SRCAP: variants seen among roughly 807,000 people sequenced by gnomAD.
The protein encoded by SRCAP is Snf2 related CREBBP activator protein, also known as chromatin remodeling protein SRCAP.
SRCAP carries 46 observed loss-of-function variants against 263.1 expected under a neutral mutation model. The observed-to-expected ratio is 0.17, with a 90% confidence interval of 0.14 to 0.22. The LOEUF is 0.22. Among genes scored for constraint, SRCAP ranks in the 10% least tolerant of loss-of-function variants. SRCAP has a pLI of 1.00. For synonymous variants in SRCAP, 1,813 were observed against 1,662.1 expected (o/e 1.09, Z -2.21); for missense variants, 3,695 against 4,181.9 (o/e 0.88, Z 3.21).
At position 30,721,134 on chromosome 16, in the gene SRCAP, C is replaced by T. The variant is rs2053007377; in HGVS notation, c.3254-55C>T. 2.6e-6 allele frequency: 4 copies of T among 1,547,096 alleles called. No individual in the cohort carries two copies. The East Asian group carries it at 6.8e-5, about 26-fold the overall frequency. ...AAGGGAGTATGGAGGCTTCTGGCAC[C>T]AGGCTAAGGCTTTAGTCAGGGTATA... On this transcript the variant is annotated intron_variant, in intron 20 of 33. Coordinates refer to ENST00000262518, the MANE Select transcript of SRCAP (RefSeq NM_006662.3).
rs149304964 is a variant in SRCAP, at chr16:30,719,777, G to C, written c.2818-385G>C. 3.2e-3 allele frequency among the ~76,000 whole-genome samples: 481 copies of C among 152,258 alleles called. 1 individual carries two copies. Among genetic ancestry groups the C allele is most frequent in the Admixed American group, 8.5e-3 (130 of 15,302 alleles). ...AGTTCCCCAATCTTGGCCTCCCAGA[G>C]AGCTGGGATTACAGGTTTGAGCCAC... On this transcript the variant is annotated intron_variant, in intron 18 of 33. Coordinates refer to ENST00000262518, the MANE Select transcript of SRCAP (RefSeq NM_006662.3).
In SRCAP at chr16:30,723,942, T is replaced by A; in HGVS notation, c.4518T>A (p.Thr1506=). 2 of 1,614,138 alleles carry A rather than the reference T, an allele frequency of 1.2e-6. No homozygotes were observed. The highest frequency in any genetic ancestry group is 1.7e-6 in the Non-Finnish European group (2 of 1,180,022). ...SGASPSASAL[T]LGLATAPSLS... is the part of the protein sequence containing the mutation. ...CTTCCCCGTCAGCATCAGCCTTGAC[T>A]CTAGGTTTGGCCACAGCTCCATCCC... Residue 1506 remains threonine, a synonymous_variant, in exon 25 of 34, where the codon ACT becomes ACA. Transcript: ENST00000262518.
rs1212720862 is a variant in SRCAP at position 30,740,852 on chromosome 16, T to G, written c.*1119T>G. The stretch of plus-strand genomic sequence containing the variant: ...TCTTGGCACACATCATTCTTTGCTC[T>G]CTACTTGTCTCGCCCCTTTCACCTT... On this transcript the variant is annotated 3_prime_UTR_variant, in exon 34 of 34. Transcript: ENST00000262518. 1 of 152,324 alleles carries G rather than the reference T, an allele frequency of 6.6e-6. No homozygotes were observed. The highest frequency in any genetic ancestry group is 1.5e-5 in the Non-Finnish European group (1 of 68,100). 9.4% of individuals were successfully genotyped at this position (152,324 alleles called of 1,614,324 possible). A position where few individuals can be genotyped will look rare whatever the true frequency, so the allele number is the denominator to read the frequency against.
rs752737576 is a variant in SRCAP at position 30,713,328 on chromosome 16, A to G, written c.2251A>G (p.Ile751Val). The G allele has an allele frequency of 1.2e-6, 2 of 1,614,158 alleles. No homozygotes were observed. The highest frequency in any genetic ancestry group is 1.7e-6 in the Non-Finnish European group (2 of 1,180,026). The change falls in exon 15 of 34, where the codon ATC becomes GTC. Residue 751 changes from isoleucine to valine, a missense_variant. By Grantham distance (29) the Ile-to-Val change is conservative. Around this residue, in one of 12 missense-constraint regions of SRCAP, gnomAD observed 121 missense variants for 330.7 expected, o/e 0.37. Coordinates refer to ENST00000262518, the MANE Select transcript of SRCAP (RefSeq NM_006662.3). ...RYLILDEAQN[I>V]KNFKSQRWQS... ...TCTCATTCTGGATGAGGCGCAGAAC[A>G]TCAAGAACTTCAAGTCACAGCGCTG...
In SRCAP at chr16:30,720,835, C is replaced by A. The variant is rs1384888464; in HGVS notation, c.3110C>A (p.Thr1037Asn). The change falls in exon 20 of 34, where the codon ACC (threonine) becomes AAC (asparagine). Residue 1037 changes from threonine to asparagine, a missense_variant. Physicochemically the swap from Thr to Asn is moderately conservative, Grantham distance 65. Around this residue, in one of 12 missense-constraint regions of SRCAP, gnomAD observed 1,347 missense variants for 1,304.4 expected, o/e 1.03. Transcript: ENST00000262518. ...PPGPELSAQP[T>N]PGPVPQVLPA... ...GGTCCTGAGCTCTCAGCCCAGCCCA[C>A]CCCTGGCCCAGTCCCCCAAGTGCTG... is the stretch of plus-strand genomic sequence containing the variant. The A allele has an allele frequency of 1.2e-6, 2 of 1,614,052 alleles. No individual in the cohort carries two copies. Among genetic ancestry groups the A allele is most frequent in the Non-Finnish European group, 1.7e-6 (2 of 1,180,008 alleles).
chr16:30,724,160 C>T lies in SRCAP; in HGVS notation c.4736C>T (p.Ala1579Val). Residue 1579 changes from alanine (A) to valine (V), a missense_variant, in exon 25 of 34, where the codon GCA becomes GTA. Physicochemically the swap from Ala to Val is moderately conservative, Grantham distance 64 (BLOSUM62 0). Coordinates refer to ENST00000262518, the MANE Select transcript of SRCAP (RefSeq NM_006662.3). ...TCCCTTCTGGCTCCAGCATCTTCTG[C>T]ATCTCAGGCTCTAGCCACCCCTCTG... ...QASLLAPASS[A>V]SQALATPLAP... 4 of 1,614,096 alleles carry T rather than the reference C, an allele frequency of 2.5e-6. No homozygotes were observed. Among genetic ancestry groups the T allele is most frequent in the Non-Finnish European group, 2.5e-6 (3 of 1,180,026 alleles).
chr16:30,720,955 C>CCAA lies in SRCAP; in HGVS notation c.3233_3235dup (p.Asn1078dup), dbSNP rs749497611. 2 of 1,610,138 alleles carry CCAA rather than the reference C, an allele frequency of 1.2e-6. No individual in the cohort carries two copies. The highest frequency in any genetic ancestry group is 2.2e-5 in the South Asian group (2 of 90,442). On this transcript the variant is annotated inframe_insertion, in exon 20 of 34. Coordinates refer to ENST00000262518, the MANE Select transcript of SRCAP (RefSeq NM_006662.3). ...CCTGTCCTCTTGCCTCCACTGCAGC[C>CCAA]CAACAGTGGTTCTCTCCCCCAGGGT...
In SRCAP at chr16:30,738,644, G is replaced by T. The variant is rs1483823600; in HGVS notation, c.8604G>T (p.Arg2868Ser). 5.0e-6 allele frequency: 8 copies of T among 1,610,658 alleles called. No homozygotes were observed. The highest frequency in any genetic ancestry group is 5.9e-6 in the Non-Finnish European group (7 of 1,178,570). Residue 2868 changes from arginine to serine, a missense_variant, in exon 34 of 34, where the codon AGG becomes AGT. This residue lies in a region of SRCAP where 1,207 missense variants were observed against 1,142.9 expected (regional missense o/e 1.06). Transcript: ENST00000262518. Reference sequence around the variant, plus strand: ...GGGGGAGGCCCCCCAAGAAGAACAGGTCTCCAGCAGATGCTGGGAGAGGTG... The same window carrying T: ...GGGGGAGGCCCCCCAAGAAGAACAGTTCTCCAGCAGATGCTGGGAGAGGTG... ...RRRGRPPKKN[R>S]SPADAGRGVD...
At chr16:30,699,646 A>AT (rs927260454) in intron 1 of SRCAP, among the ~76,000 whole-genome samples, 235 of 147,192 alleles carry the variant, frequency 1.6e-3, no homozygotes, top group African/African-American at 3.2e-3. Flanking sequence ...TTTTTGCTGT[A>AT]TTTTTTTTTT....
At chr16:30,717,228 A>AT (rs1380410083) in intron 18 of SRCAP, among the ~76,000 whole-genome samples, 3 of 151,934 alleles carry the variant, frequency 2.0e-5, no homozygotes, top group African/African-American at 7.3e-5. Flanking sequence ...GGATCTTTTC[A>AT]TGTGCTCATT....
chr16:30,707,266 C>T lies in SRCAP; in HGVS notation c.390C>T (p.Pro130=). 1 of 1,614,122 alleles carries T rather than the reference C, an allele frequency of 6.2e-7. No individual in the cohort carries two copies. The highest frequency in any genetic ancestry group is 8.5e-7 in the Non-Finnish European group (1 of 1,180,024). ...SLKRLPKVPE[P]PRPKGHWDYL... Reference sequence around the variant, plus strand: ...AGAGGCTGCCTAAGGTGCCAGAGCCCCCTCGCCCCAAAGGTCACTGGGACT... The same window carrying T: ...AGAGGCTGCCTAAGGTGCCAGAGCCTCCTCGCCCCAAAGGTCACTGGGACT... The change falls in exon 5 of 34, where the codon CCC becomes CCT. Residue 130 remains proline (P), a synonymous_variant. Coordinates refer to ENST00000262518, the MANE Select transcript of SRCAP (RefSeq NM_006662.3).
At position 30,737,362 on chromosome 16, in the gene SRCAP, C is replaced by T; in HGVS notation, c.7322C>T (p.Pro2441Leu). The T allele has an allele frequency of 1.9e-6, 3 of 1,613,970 alleles. No individual in the cohort carries two copies. The highest frequency in any genetic ancestry group is 2.5e-6 in the Non-Finnish European group (3 of 1,179,960). ...AGGGAGCGAGTTCCCAGGCCAGCAC[C>T]TAGGCCTCGACCCACTCCAGCTTCA... ...PARERVPRPAPRPRPTPASAP... is the reference protein window; with the variant it reads ...PARERVPRPALRPRPTPASAP... Residue 2441 changes from proline to leucine, a missense_variant, in exon 34 of 34, where the codon CCT (proline) becomes CTT (leucine). By Grantham distance (98) the Pro-to-Leu change is moderately conservative. This residue lies in a region of SRCAP where 1,207 missense variants were observed against 1,142.9 expected (regional missense o/e 1.06). Coordinates refer to ENST00000262518, the MANE Select transcript of SRCAP (RefSeq NM_006662.3).
chr16:30,705,412 T>C (rs1004809469), intron 4 of SRCAP, among the ~76,000 whole-genome samples: 5 of 152,204 alleles, frequency 3.3e-5, no homozygotes, highest in Non-Finnish European at 7.3e-5. Context: ...TTTATTTATT[T>C]TGTTGAGACG....
At chr16:30,703,926 A>G in intron 3 of SRCAP, 138 bp from the exon 4 acceptor site, 1 of 1,061,170 alleles carries the variant, frequency 9.4e-7, no homozygotes, top group Non-Finnish European at 1.3e-6. Flanking sequence ...TTTATCCCGA[A>G]CGTTTGTGTT....
intron 25 of SRCAP, chr16:30,725,345 C>T (rs952099715): frequency 4.5e-5 from 23 of 514,128 alleles, no homozygotes; most frequent in East Asian, 8.3e-5. Context: ...TTAACCCGCA[C>T]GGTAATAAAT....
At chr16:30,706,097 A>C (rs1667684611) in intron 4 of SRCAP, among the ~76,000 whole-genome samples, 1 of 152,248 alleles carries the variant, frequency 6.6e-6, no homozygotes, top group East Asian at 1.9e-4. Flanking sequence ...CTGTCAGGCC[A>C]TTTAGTCCTG....
chr16:30,730,338 C>CACTTAAACCACAAGAGCATTT (rs1555465385), intron 27 of SRCAP, among the ~76,000 whole-genome samples: 53 of 152,276 alleles, frequency 3.5e-4, no homozygotes, highest in Admixed American at 7.2e-4. Flanking sequence ...AACTAACAGT[C>CACTTAAACCACAAGAGCATTT]ATTGTTTTCT....
intron 32 of SRCAP, 48 bp from the exon 33 acceptor site, chr16:30,736,493 C>T: frequency 6.2e-7 from 1 of 1,612,536 alleles, no homozygotes; most frequent in Admixed American, 1.7e-5. Context: ...GGTGGTGGGG[C>T]CCTGGGTACC....
rs145506785 is a variant in SRCAP at position 30,720,897 on chromosome 16, C to T, written c.3172C>T (p.Pro1058Ser). 116 of 1,614,062 alleles carry T rather than the reference C, an allele frequency of 7.2e-5. No individual in the cohort carries two copies. Among genetic ancestry groups the T allele is most frequent in the East Asian group, 4.2e-4 (19 of 44,880 alleles). The change falls in exon 20 of 34, where the codon CCC becomes TCC. Residue 1058 changes from proline to serine, a missense_variant. Coordinates refer to ENST00000262518, the MANE Select transcript of SRCAP (RefSeq NM_006662.3). Reference sequence around the variant, plus strand: ...GATGGTTTCAGCCTCACCTGCCGGGCCCCCGCTTATTCCTGCATCTCGGCC... The same window carrying T: ...GATGGTTTCAGCCTCACCTGCCGGGTCCCCGCTTATTCCTGCATCTCGGCC... The part of the protein sequence containing the change: ...SLMVSASPAG[P>S]PLIPASRPPG...
Sources: allele counts gnomAD v4.1 joint callset (sites outside exome capture counted in the v4.1 genomes callset), GRCh38; gene constraint gnomAD v4.1.1; regional missense constraint gnomAD v4.1.1; transcripts MANE v1.5; gene names NCBI Gene and HGNC (gene_info 2026-07-23, HGNC 2026-07-21).